Variants in BAIAP2 observed in about 807,000 individuals in gnomAD.
BAIAP2 encodes BAR/IMD domain containing adaptor protein 2.
A neutral mutation model predicts 63.0 loss-of-function variants in BAIAP2; 18 were observed. That is an observed-to-expected ratio of 0.29 (90% CI 0.20 to 0.42). The LOEUF is 0.42. BAIAP2 is among the 10% of genes least tolerant of loss of function. The pLI is 1.00. For synonymous variants in BAIAP2, 386 were observed against 307.6 expected (o/e 1.25, Z -2.67); for missense variants, 610 against 734.3 (o/e 0.83, Z 1.96).
rs866649775 is a variant in BAIAP2, at chr17:81,085,555, C to T, written c.280-99C>T. The T allele has an allele frequency of 5.1e-6, 5 of 987,980 alleles. No individual in the cohort carries two copies. In the Middle Eastern group the frequency reaches 8.1e-4, roughly 160 times the overall value. The allele number at this position is 987,980 out of a possible 1,614,324, so 61.2% of individuals were successfully genotyped here. ...GGGCCCCTCCTGCACAGCCGGGACACCCGGTGTCTCGTGCCCATCCGCTCT... is the reference window on the plus strand; with the variant it reads ...GGGCCCCTCCTGCACAGCCGGGACATCCGGTGTCTCGTGCCCATCCGCTCT... On this transcript the variant is annotated intron_variant, in intron 4 of 13. Coordinates refer to ENST00000428708, the MANE Select transcript of BAIAP2 (RefSeq NM_001144888.2).
intron 3 of BAIAP2, among the ~76,000 whole-genome samples, chr17:81,064,783 A>C (rs879406129): frequency 7.2e-5 from 11 of 151,848 alleles, no homozygotes; most frequent in Admixed American, 1.3e-4. Context: ...TCACAGACGG[A>C]AGGGCCTCCC....
intron 1 of BAIAP2, among the ~76,000 whole-genome samples, chr17:81,050,172 C>G (rs1044328132): frequency 3.9e-5 from 6 of 152,212 alleles, no homozygotes; most frequent in African/African-American, 1.4e-4. Context: ...GATGCAGATG[C>G]AGAAGGAGGA....
chr17:81,047,392 C>CAGGCCACGCCGAAGCTGCCCTT (rs2047969197), intron 1 of BAIAP2, among the ~76,000 whole-genome samples: 1 of 152,102 alleles, frequency 6.6e-6, no homozygotes, highest in Non-Finnish European at 1.5e-5. Flanking sequence ...CTAAGGCAGC[C>CAGGCCACGCCGAAGCTGCCCTT]GGAGAGGGTC....
At chr17:81,066,211 C>T (rs2051437773) in intron 3 of BAIAP2, among the ~76,000 whole-genome samples, 1 of 152,248 alleles carries the variant, frequency 6.6e-6, no homozygotes, top group African/African-American at 2.4e-5. Context: ...TTTGTGATCA[C>T]AGGGCGTGTG....
intron 1 of BAIAP2, chr17:81,036,993 AC>A: frequency 6.6e-7 from 1 of 1,508,964 alleles, no homozygotes; most frequent in Non-Finnish European, 8.9e-7. Context: ...GCTCTGGGGG[AC>A]CGACCCCGTG....
At chr17:81,085,007 C>T (rs1264053533) in intron 4 of BAIAP2, 114 bp downstream of exon 4, 14 of 1,114,646 alleles carry the variant, frequency 1.3e-5, no homozygotes, top group Middle Eastern at 2.3e-4. Flanking sequence ...CAGCCACACT[C>T]GGAGGCAGGG....
intron 13 of BAIAP2, among the ~76,000 whole-genome samples, chr17:81,115,500 G>GCCCAC (rs1353031847): frequency 6.6e-6 from 1 of 152,050 alleles, no homozygotes; most frequent in Non-Finnish European, 1.5e-5. Context: ...GCCCTGCCCA[G>GCCCAC]CCCACACTGC....
intron 1 of BAIAP2, among the ~76,000 whole-genome samples, chr17:81,038,100 C>G (rs2046542164): frequency 6.6e-6 from 1 of 152,212 alleles, no homozygotes; most frequent in Non-Finnish European, 1.5e-5. Context: ...CGCGGAAGAC[C>G]CCTTCCTCCA....
At chr17:81,079,731 A>G (rs2054278422) in intron 3 of BAIAP2, among the ~76,000 whole-genome samples, 1 of 152,176 alleles carries the variant, frequency 6.6e-6, no homozygotes, top group Admixed American at 6.5e-5. Flanking sequence ...GTTCTGGCTC[A>G]TGTGCTGTGT....
rs374939769 is a variant in BAIAP2, at chr17:81,078,546, C to T, written c.218-6286C>T. ...TGCGGGTGCCGTATTGGGTGGGAGCCGGGCGCTGTGGGTGCAGGTGCCATC... is the reference window on the plus strand; with the variant it reads ...TGCGGGTGCCGTATTGGGTGGGAGCTGGGCGCTGTGGGTGCAGGTGCCATC... On this transcript the variant is annotated intron_variant, in intron 3 of 13. Transcript: ENST00000428708. Among the ~76,000 whole-genome samples the T allele has an allele frequency of 1.8e-3, 255 of 140,240 alleles. 4 individuals are homozygous for T. The South Asian group carries it at 0.028, about 15-fold the overall frequency. 92.0% of individuals were successfully genotyped at this position (140,240 alleles called of 152,430 possible).
intron 1 of BAIAP2, among the ~76,000 whole-genome samples, chr17:81,045,222 A>T (rs1284365840): frequency 6.6e-6 from 1 of 152,124 alleles, no homozygotes; most frequent in Admixed American, 6.5e-5. Flanking sequence ...ACGCCAGGGG[A>T]AAGCTCGCAG....
intron 2 of BAIAP2, among the ~76,000 whole-genome samples, chr17:81,055,834 A>G (rs939062044): frequency 6.6e-5 from 10 of 151,760 alleles, no homozygotes; most frequent in Non-Finnish European, 8.8e-5. Context: ...CAAAGTGCCT[A>G]GGATTACAGG....
At chr17:81,070,595 C>T (rs1174566269) in intron 3 of BAIAP2, among the ~76,000 whole-genome samples, 3 of 152,214 alleles carry the variant, frequency 2.0e-5, no homozygotes, top group Non-Finnish European at 4.4e-5. Flanking sequence ...CCCTGGCGTG[C>T]CTGTCCCGCT....
chr17:81,106,443 G>T (rs993265927), intron 11 of BAIAP2, among the ~76,000 whole-genome samples: 3 of 152,094 alleles, frequency 2.0e-5, no homozygotes, highest in African/African-American at 4.8e-5. Flanking sequence ...GGTCCTCCAG[G>T]TTCTCCCAGC....
intron 13 of BAIAP2, chr17:81,109,168 A>G (rs2059567240): frequency 1.6e-5 from 23 of 1,431,632 alleles, no homozygotes; most frequent in Non-Finnish European, 2.0e-5. Flanking sequence ...CCCAGGGTCC[A>G]TGGTGCTGCT....
chr17:81,071,111 TC>T (rs1555665362), intron 3 of BAIAP2, among the ~76,000 whole-genome samples: 26 of 150,858 alleles, frequency 1.7e-4, no homozygotes, highest in African/African-American at 6.3e-4. Flanking sequence ...TTTTTTTTTT[TC>T]CCCCATTGGT....
Position 81,117,418 on chromosome 17 carries a change from C to CTCTT in BAIAP2, c.*1581_*1584dup, listed in dbSNP as rs1405190145. ...TGCGAAGCAACAATAAACTTTACAT[C>CTCTT]TCTTTGGCAACAATAACTTAAAATC... is the stretch of plus-strand genomic sequence containing the variant. On this transcript the variant is annotated 3_prime_UTR_variant, in exon 14 of 14. Coordinates refer to ENST00000428708, the MANE Select transcript of BAIAP2 (RefSeq NM_001144888.2). The CTCTT allele has an allele frequency of 6.6e-6, 1 of 152,334 alleles. No individual in the cohort carries two copies. The highest frequency in any genetic ancestry group is 1.5e-5 in the Non-Finnish European group (1 of 68,066). 9.4% of individuals were successfully genotyped at this position (152,334 alleles called of 1,614,324 possible).
chr17:81,082,909 A>G (rs2054881769), intron 3 of BAIAP2: 1 of 152,512 alleles, frequency 6.6e-6, no homozygotes, highest in Non-Finnish European at 1.5e-5. Context: ...GACGTGGCCT[A>G]CTCTGTCTGC....
rs542559358 is a variant in BAIAP2, at chr17:81,073,899, C to T, written c.218-10933C>T. Among the ~76,000 whole-genome samples, 11 of 152,320 alleles carry T rather than the reference C, an allele frequency of 7.2e-5. 1 individual carries two copies. Among genetic ancestry groups the T allele is most frequent in the South Asian group, 6.2e-4 (3 of 4,822 alleles). On this transcript the variant is annotated intron_variant, in intron 3 of 13. Transcript: ENST00000428708. ...TGGCAGGCGCCAGTTCCTTGTCGCT[C>T]ACGGTTAAGCCCGTGTATCACTTAT...
Sources: allele counts gnomAD v4.1 joint callset (sites outside exome capture counted in the v4.1 genomes callset), GRCh38; gene constraint gnomAD v4.1.1; transcripts MANE v1.5; gene names NCBI Gene and HGNC (gene_info 2026-07-23, HGNC 2026-07-21).